Variants in CFAP20DC observed in about 807,000 individuals in gnomAD.
The protein encoded by CFAP20DC is CFAP20 domain containing.
A neutral mutation model predicts 101.7 loss-of-function variants in CFAP20DC; 84 were observed. The observed-to-expected ratio is 0.83, with a 90% confidence interval of 0.69 to 0.99. CFAP20DC has a LOEUF of 0.99. Among genes scored for constraint, CFAP20DC ranks in the 50% least tolerant of loss-of-function variants. The probability of loss-of-function intolerance (pLI) is 0.00; values close to 1 mark genes in which losing one functional copy is unlikely to be tolerated. For missense variants in CFAP20DC, 1,007 were observed against 970.3 expected (o/e 1.04, Z -0.50); for synonymous variants, 359 against 351.2 (o/e 1.02, Z -0.25).
At chr3:58,716,648 G>A (rs1297794696), downstream of CFAP20DC, among the ~76,000 whole-genome samples, 4 of 152,126 alleles carry the variant, frequency 2.6e-5, no homozygotes, top group Non-Finnish European at 4.4e-5. Flanking sequence ...CCTGCACTGC[G>A]ATTCTCCTAT....
At chr3:58,932,545 G>A (rs1166519843) in intron 5 of CFAP20DC, among the ~76,000 whole-genome samples, 1 of 152,150 alleles carries the variant, frequency 6.6e-6, no homozygotes, top group East Asian at 1.9e-4. Context: ...TACCTACAAA[G>A]GGAAGCCCAT....
chr3:58,762,678 G>A (rs1168329924), intron 15 of CFAP20DC, among the ~76,000 whole-genome samples: 1 of 151,928 alleles, frequency 6.6e-6, no homozygotes, highest in Admixed American at 6.6e-5. Context: ...GCTGGTACTG[G>A]TTGTTCCTTT....
At position 58,913,704 on chromosome 3, in the gene CFAP20DC, A is replaced by G; in HGVS notation, c.550+4T>C. The G allele has an allele frequency of 1.9e-6, 3 of 1,613,528 alleles. No individual in the cohort carries two copies. The highest frequency in any genetic ancestry group is 2.2e-5 in the East Asian group (1 of 44,856). Reference sequence around the variant, plus strand: ...AAAAAATCTTGATAGCAACCTGAACATACCATCCTTATCAGCAGTGTCTTG... The same window carrying G: ...AAAAAATCTTGATAGCAACCTGAACGTACCATCCTTATCAGCAGTGTCTTG... On this transcript the variant is annotated splice_donor_region_variant and intron_variant, in intron 6 of 16. Coordinates refer to ENST00000482387, the MANE Select transcript of CFAP20DC (RefSeq NM_001394063.1). This position sits in a 1 kb window ranked among gnomAD's most constrained non-coding sequence, Gnocchi z 4.4.
intron 12 of CFAP20DC, among the ~76,000 whole-genome samples, chr3:58,856,678 A>AT (rs1009401382): frequency 4.0e-5 from 6 of 151,632 alleles, no homozygotes; most frequent in South Asian, 2.1e-4. Flanking sequence ...GACTCTTGCA[A>AT]TTTTTTTTTC....
At chr3:58,959,264 T>C (rs1029985369) in intron 4 of CFAP20DC, among the ~76,000 whole-genome samples, 5 of 152,184 alleles carry the variant, frequency 3.3e-5, no homozygotes, top group African/African-American at 1.2e-4. Flanking sequence ...CCGGCTAATT[T>C]TGTATTTTTA....
intron 7 of CFAP20DC, among the ~76,000 whole-genome samples, chr3:58,873,897 T>A (rs1262481461): frequency 6.6e-6 from 1 of 151,756 alleles, no homozygotes; most frequent in African/African-American, 2.4e-5. Context: ...GAAGCAGAAG[T>A]CTGGATAGCT....
chr3:58,717,266 C>T (rs2067410765), downstream of CFAP20DC: 1 of 173,724 alleles, frequency 5.8e-6, no homozygotes, highest in Non-Finnish European at 1.2e-5. This position sits in a 1 kb window ranked among gnomAD's most constrained non-coding sequence, Gnocchi z 4.1. Context: ...TGCTGGCTTG[C>T]CAATTGAGAG....
intron 5 of CFAP20DC, among the ~76,000 whole-genome samples, chr3:58,934,626 A>T (rs903400885): frequency 2.6e-5 from 4 of 152,194 alleles, no homozygotes; most frequent in African/African-American, 9.7e-5. Flanking sequence ...ATATATGCAA[A>T]TCAATAAATG....
chr3:58,828,056 T>A (rs2076161865), intron 14 of CFAP20DC, among the ~76,000 whole-genome samples: 1 of 152,070 alleles, frequency 6.6e-6, no homozygotes, highest in African/African-American at 2.4e-5. Flanking sequence ...AGAGTGCATC[T>A]AGGGACTACA....
chr3:58,973,018 TA>T (rs558735660), intron 4 of CFAP20DC, among the ~76,000 whole-genome samples: 141 of 152,320 alleles, frequency 9.3e-4, no homozygotes, highest in African/African-American at 3.3e-3. Flanking sequence ...GGGGATGAAT[TA>T]AAATATGCAT....
At chr3:59,022,140 T>A (rs2093814034) in intron 4 of CFAP20DC, among the ~76,000 whole-genome samples, 1 of 152,056 alleles carries the variant, frequency 6.6e-6, no homozygotes, top group Non-Finnish European at 1.5e-5. Flanking sequence ...TTTGCAGAAA[T>A]AAATTCATTT....
intron 14 of CFAP20DC, among the ~76,000 whole-genome samples, 154 bp from the exon 15 acceptor site, chr3:58,806,610 G>T (rs1480315155): frequency 6.6e-6 from 1 of 152,232 alleles, no homozygotes; most frequent in Non-Finnish European, 1.5e-5. Flanking sequence ...AATAGGAACA[G>T]CTCCAGTGTA....
At chr3:58,941,351 A>G (rs1347176472) in intron 4 of CFAP20DC, among the ~76,000 whole-genome samples, 7 of 150,938 alleles carry the variant, frequency 4.6e-5, no homozygotes, top group South Asian at 4.2e-4. Context: ...AAAAAAAAAA[A>G]AAAAAGAAAA....
chr3:58,851,958 G>C (rs1349584709), intron 12 of CFAP20DC, among the ~76,000 whole-genome samples: 1 of 152,086 alleles, frequency 6.6e-6, no homozygotes, highest in Non-Finnish European at 1.5e-5. Context: ...CGAAAGCTTT[G>C]GCTAACTTTC....
chr3:58,979,531 A>T (rs1463691162), intron 4 of CFAP20DC, among the ~76,000 whole-genome samples: 1 of 152,212 alleles, frequency 6.6e-6, no homozygotes, highest in Admixed American at 6.5e-5. Context: ...CAAAAAGAAG[A>T]TGGCTGTCAG....
chr3:58,751,868 A>ACACACACACACACACAC (rs1559541321), intron 16 of CFAP20DC, among the ~76,000 whole-genome samples: 6 of 125,516 alleles, frequency 4.8e-5, no homozygotes, highest in African/African-American at 2.1e-4. Context: ...CACACACACA[A>ACACACACACACACACAC]AATTTCCTCC....
intron 14 of CFAP20DC, among the ~76,000 whole-genome samples, chr3:58,810,173 A>T (rs1239062216): frequency 6.6e-6 from 1 of 152,120 alleles, no homozygotes; most frequent in Non-Finnish European, 1.5e-5. Flanking sequence ...AATCAATAGA[A>T]AAAGAGGGAA....
chr3:58,936,777 G>A (rs1410661064), intron 5 of CFAP20DC, among the ~76,000 whole-genome samples: 1 of 152,108 alleles, frequency 6.6e-6, no homozygotes, highest in Non-Finnish European at 1.5e-5. Flanking sequence ...ACTGTTGTGG[G>A]GTTAGGGGAC....
At chr3:58,752,844 A>G (rs1161006531) in intron 16 of CFAP20DC, among the ~76,000 whole-genome samples, 1 of 152,180 alleles carries the variant, frequency 6.6e-6, no homozygotes, top group Non-Finnish European at 1.5e-5. Context: ...AGTTAGGAAA[A>G]AAAACAAAAC....
Sources: gnomAD v4.1 joint callset for allele counts (sites outside exome capture counted in the v4.1 genomes callset) on GRCh38, gnomAD v4.1.1 for gene constraint, Gnocchi (gnomAD v3.1) non-coding constraint, MANE v1.5 for transcripts, NCBI Gene and HGNC (gene_info 2026-07-23, HGNC 2026-07-21) for gene names.